Variants in CPAMD8 observed in about 807,000 individuals in gnomAD.
The protein encoded by CPAMD8 is C3 and PZP like alpha-2-macroglobulin domain containing 8.
A neutral mutation model predicts 224.7 loss-of-function variants in CPAMD8; 146 were observed. The ratio of observed to expected loss-of-function variants is 0.65; its 90% CI spans 0.57 to 0.75. The LOEUF is 0.75. Among genes scored for constraint, CPAMD8 ranks in the 30% least tolerant of loss-of-function variants. CPAMD8 has a pLI of 0.00. For synonymous variants in CPAMD8, 966 were observed against 1,044.6 expected, an observed-to-expected ratio of 0.92 and a Z score of 1.45; for missense variants, 2,301 against 2,537.5, an observed-to-expected ratio of 0.91 and a Z score of 2.00.
rs2052887592 is a variant in CPAMD8 at position 16,914,898 on chromosome 19, C to T, written c.3630-85G>A. On this transcript the variant is annotated intron_variant, in intron 27 of 41. Coordinates refer to ENST00000443236, the MANE Select transcript of CPAMD8 (RefSeq NM_015692.5). ...CTGAGGGATTGCAGCAAGCTCCTGG[C>T]ACCACCCCCGGCCTCCATTTCCTCA... 28 of 967,028 alleles carry T rather than the reference C, an allele frequency of 2.9e-5. No homozygotes were observed. In the South Asian group the frequency reaches 3.8e-4, roughly 13 times the overall value. The allele number at this position is 967,028 out of a possible 1,614,324, so 59.9% of individuals were successfully genotyped here.
chr19:16,927,793 G>C (rs2053415690), intron 25 of CPAMD8, among the ~76,000 whole-genome samples: 1 of 152,224 alleles, frequency 6.6e-6, no homozygotes, highest in Admixed American at 6.5e-5. Flanking sequence ...AGTCCCTCAA[G>C]GGTGGGGTTG....
Position 16,899,442 on chromosome 19 carries a change from G to A in CPAMD8, c.4848+33C>T. ...CACCCTCACCAACATGCACACCAGG[G>A]AAGCCTCCTCCACCAACCCCGGCTG... On this transcript the variant is annotated intron_variant, in intron 37 of 41. Coordinates refer to ENST00000443236, the MANE Select transcript of CPAMD8 (RefSeq NM_015692.5). This position sits in a 1 kb window ranked among gnomAD's most constrained non-coding sequence, Gnocchi z 5.4. 1 of 1,036,654 alleles carries A rather than the reference G, an allele frequency of 9.6e-7. No homozygotes were observed. The highest frequency in any genetic ancestry group is 1.5e-6 in the Non-Finnish European group (1 of 653,554). The allele number at this position is 1,036,654 out of a possible 1,614,324, so 64.2% of individuals were successfully genotyped here. A position where few individuals can be genotyped will look rare whatever the true frequency, so the allele number is the denominator to read the frequency against.
intron 15 of CPAMD8, among the ~76,000 whole-genome samples, chr19:16,976,683 A>G (rs1197698375): frequency 6.6e-6 from 1 of 151,914 alleles, no homozygotes; most frequent in Non-Finnish European, 1.5e-5. Context: ...AGAAGGGAAC[A>G]CAGAGGGACA....
chr19:16,974,004 G>A (rs1258661707), intron 17 of CPAMD8, among the ~76,000 whole-genome samples: 2 of 150,076 alleles, frequency 1.3e-5, no homozygotes, highest in Non-Finnish European at 1.5e-5. Context: ...TAATTATTGT[G>A]TTTTTAGTAG....
chr19:17,010,961 C>T (rs1398790904), intron 5 of CPAMD8, among the ~76,000 whole-genome samples: 3 of 151,378 alleles, frequency 2.0e-5, no homozygotes, highest in South Asian at 2.1e-4. Context: ...AGGCAGAGGT[C>T]GCAGTGAGCC....
At chr19:16,906,349 T>G (rs1170529056) in intron 30 of CPAMD8, among the ~76,000 whole-genome samples, 2 of 32,086 alleles carry the variant, frequency 6.2e-5, no homozygotes, top group Non-Finnish European at 6.6e-5. Flanking sequence ...TTTCTTTCTT[T>G]CTTTCTTTCT....
At chr19:16,921,203 A>T (rs754750568) in intron 27 of CPAMD8, among the ~76,000 whole-genome samples, 5 of 152,096 alleles carry the variant, frequency 3.3e-5, no homozygotes, top group Non-Finnish European at 7.4e-5. Context: ...ACTCCCTGGG[A>T]TCCTGGCACT....
intron 27 of CPAMD8, among the ~76,000 whole-genome samples, chr19:16,915,287 C>T (rs564919359): frequency 6.6e-6 from 1 of 152,234 alleles, no homozygotes; most frequent in African/African-American, 2.4e-5. Flanking sequence ...AGTTTCTGAG[C>T]CTGGGAATGG....
intron 13 of CPAMD8, among the ~76,000 whole-genome samples, 157 bp downstream of exon 13, chr19:16,989,486 C>A (rs1220586385): frequency 6.6e-6 from 1 of 152,156 alleles, no homozygotes; most frequent in Non-Finnish European, 1.5e-5. Context: ...GGGGTTTCAC[C>A]ATGCTGGCCA....
intron 30 of CPAMD8, among the ~76,000 whole-genome samples, chr19:16,906,223 A>G (rs1173734539): frequency 6.6e-6 from 1 of 152,098 alleles, no homozygotes; most frequent in Non-Finnish European, 1.5e-5. Context: ...TCAACAAAGC[A>G]ATTGACAAGC....
intron 23 of CPAMD8, among the ~76,000 whole-genome samples, chr19:16,936,794 G>T (rs1474585057): frequency 6.6e-6 from 1 of 152,148 alleles, no homozygotes. Context: ...ATTTGATAAG[G>T]TTTGCAAATG....
At chr19:16,923,822 G>A (rs900624945) in intron 26 of CPAMD8, among the ~76,000 whole-genome samples, 4 of 152,142 alleles carry the variant, frequency 2.6e-5, no homozygotes, top group African/African-American at 9.7e-5. Context: ...TGGGCATGGT[G>A]GTGCACACCT....
rs1024123669 is a variant in CPAMD8 at position 17,010,243 on chromosome 19, T to A, written c.487-923A>T. Reference sequence around the variant, plus strand: ...CTCCTCTTTTTTTTTTGGTTTTTCGTTTTTTGTAGAGACAGGGTTGTGCTT... The same window carrying A: ...CTCCTCTTTTTTTTTTGGTTTTTCGATTTTTGTAGAGACAGGGTTGTGCTT... On this transcript the variant is annotated intron_variant, in intron 5 of 41. Transcript: ENST00000443236. Among the ~76,000 whole-genome samples the A allele has an allele frequency of 2.6e-5, 4 of 151,986 alleles. No homozygotes were observed. The East Asian group carries it at 7.7e-4, about 29-fold the overall frequency.
At chr19:16,912,250 C>G (rs149995161) in intron 29 of CPAMD8, among the ~76,000 whole-genome samples, 1 of 152,128 alleles carries the variant, frequency 6.6e-6, no homozygotes, top group Admixed American at 6.5e-5. Flanking sequence ...GTCCCTTGTG[C>G]CAAAAAGGTT....
In CPAMD8 at chr19:16,989,626, G is replaced by A; in HGVS notation, c.1395+17C>T. ...GATCCCGCATGGCCCAGGAAGGGTA[G>A]CTCCTGAAAATCTTACCTGCAGTGG... On this transcript the variant is annotated intron_variant, in intron 13 of 41. Coordinates refer to ENST00000443236, the MANE Select transcript of CPAMD8 (RefSeq NM_015692.5). The A allele has an allele frequency of 6.2e-7, 1 of 1,611,744 alleles. No homozygotes were observed. Among genetic ancestry groups the A allele is most frequent in the Non-Finnish European group, 8.5e-7 (1 of 1,178,448 alleles).
chr19:16,937,475 G>A (rs1241127094), intron 23 of CPAMD8, among the ~76,000 whole-genome samples: 1 of 151,624 alleles, frequency 6.6e-6, no homozygotes, highest in South Asian at 2.1e-4. Flanking sequence ...CCAGCCTCAT[G>A]TGTTGTTGTT....
rs868065682 is a variant in CPAMD8 at position 16,906,812 on chromosome 19, C to T, written c.4027+140G>A. ...GCAATCTCCGCCTCCCGGGTTCAAGCGATTCTCCTGCCTCAGCCTCCTGAG... is the reference window on the plus strand; with the variant it reads ...GCAATCTCCGCCTCCCGGGTTCAAGTGATTCTCCTGCCTCAGCCTCCTGAG... On this transcript the variant is annotated intron_variant, in intron 30 of 41. Coordinates refer to ENST00000443236, the MANE Select transcript of CPAMD8 (RefSeq NM_015692.5). The T allele has an allele frequency of 3.2e-5, 27 of 845,190 alleles. No homozygotes were observed. The Middle Eastern group carries it at 7.2e-4, about 23-fold the overall frequency. 52.4% of individuals were successfully genotyped at this position (845,190 alleles called of 1,614,324 possible).
intron 19 of CPAMD8, among the ~76,000 whole-genome samples, chr19:16,953,663 A>G (rs2054370933): frequency 6.6e-6 from 1 of 151,818 alleles, no homozygotes. Flanking sequence ...AAAAAAAAAA[A>G]AAAAAAAGGC....
At chr19:16,931,521 G>C (rs1300113945) in intron 23 of CPAMD8, among the ~76,000 whole-genome samples, 2 of 152,112 alleles carry the variant, frequency 1.3e-5, no homozygotes, top group Non-Finnish European at 2.9e-5. Flanking sequence ...CACTGCTACT[G>C]CCAGTGCCCA....
Sources: gnomAD v4.1 joint callset for allele counts (sites outside exome capture counted in the v4.1 genomes callset) on GRCh38, gnomAD v4.1.1 for gene constraint, Gnocchi (gnomAD v3.1) non-coding constraint, MANE v1.5 for transcripts, NCBI Gene and HGNC (gene_info 2026-07-23, HGNC 2026-07-21) for gene names.